Variants in TMPO observed in about 807,000 individuals in gnomAD.
TMPO encodes thymopoietin, also known as LEM domain containing 4.
A neutral mutation model predicts 45.4 loss-of-function variants in TMPO; 22 were observed. The observed-to-expected ratio is 0.48, with a 90% CI of 0.35 to 0.69. The LOEUF (loss-of-function observed/expected upper bound fraction) is 0.69. Among genes scored for constraint, TMPO ranks in the 30% least tolerant of loss-of-function variants. The pLI is 0.01. For missense variants in TMPO, 512 were observed against 548.8 expected (o/e 0.93, Z 0.67); for synonymous variants, 241 against 204.1 (o/e 1.18, Z -1.54).
At position 98,545,051 on chromosome 12, in the gene TMPO, C is replaced by G. The variant is rs372379540; in HGVS notation, c.980C>G (p.Thr327Arg). The change falls in exon 7 of 9, where the codon ACA becomes AGA. Residue 327 changes from threonine to arginine, a missense_variant. Thr to Arg is a moderately conservative substitution (Grantham distance 71). Coordinates refer to ENST00000556029, the MANE Select transcript of TMPO (RefSeq NM_001032283.3). ...AGAAGAGCACCAAAGAAACCATTGA[C>G]AAGAGCTGAAGTAAATGAATACAAT... Reference protein sequence around the residue: ...IPRRAPKKPLTRAEVGEKTEE... With the variant: ...IPRRAPKKPLRRAEVGEKTEE... 2 of 1,604,164 alleles carry G rather than the reference C, an allele frequency of 1.2e-6. No homozygotes were observed. Among genetic ancestry groups the G allele is most frequent in the Non-Finnish European group, 1.7e-6 (2 of 1,173,614 alleles).
At chr12:98,522,192 A>T (rs1436120657) in intron 1 of TMPO, among the ~76,000 whole-genome samples, 1 of 152,024 alleles carries the variant, frequency 6.6e-6, no homozygotes, top group Non-Finnish European at 1.5e-5. Context: ...GATTTTTAAA[A>T]TTTTTATAGA....
chr12:98,547,556 C>T lies in TMPO; in HGVS notation c.1080-17C>T. 1.2e-6 allele frequency: 2 copies of T among 1,613,968 alleles called. No homozygotes were observed. The highest frequency in any genetic ancestry group is 1.7e-6 in the Non-Finnish European group (2 of 1,179,900). On this transcript the variant is annotated splice_polypyrimidine_tract_variant and intron_variant, in intron 8 of 8. Coordinates refer to ENST00000556029, the MANE Select transcript of TMPO (RefSeq NM_001032283.3). ...TATCTAAAATTATTTTTCTTTTCCT[C>T]CTTTCACTCCCAACAGTGCTAGTTG... is the stretch of plus-strand genomic sequence containing the variant.
At chr12:98,518,053 G>A (rs1256961334) in intron 1 of TMPO, among the ~76,000 whole-genome samples, 3 of 151,564 alleles carry the variant, frequency 2.0e-5, no homozygotes, top group Non-Finnish European at 4.4e-5. Flanking sequence ...GCCGAGGCAG[G>A]AGAATCGCTT....
intron 1 of TMPO, among the ~76,000 whole-genome samples, chr12:98,519,696 A>G (rs565716694): frequency 1.3e-5 from 2 of 152,348 alleles, no homozygotes; most frequent in South Asian, 4.1e-4. Context: ...AACAACTTGA[A>G]GAAAAATATT....
intron 1 of TMPO, 151 bp from the exon 2 acceptor site, chr12:98,527,735 T>C: frequency 5.2e-6 from 4 of 772,098 alleles, no homozygotes; most frequent in Non-Finnish European, 6.4e-6. Context: ...TCTCCAATAA[T>C]GAGTTGCTCT....
At chr12:98,545,317 G>A (rs938211577) in intron 7 of TMPO, among the ~76,000 whole-genome samples, 1 of 151,954 alleles carries the variant, frequency 6.6e-6, no homozygotes, top group Non-Finnish European at 1.5e-5. Context: ...TCAAGGGAGT[G>A]GTCATTTCTG....
rs1187711703 is a variant in TMPO at position 98,548,641 on chromosome 12, T to TA, written c.*784dup. On this transcript the variant is annotated 3_prime_UTR_variant, in exon 9 of 9. Transcript: ENST00000556029. ...TATTTTTTATTTACAGCAAAACATT[T>TA]ATTCAGTCATCCAGTTTGCTACCAA... 8 of 152,244 alleles carry TA rather than the reference T, an allele frequency of 5.3e-5. No homozygotes were observed. Among genetic ancestry groups the TA allele is most frequent in the African/African-American group, 1.9e-4 (8 of 41,462 alleles). The allele number at this position is 152,244 out of a possible 1,614,324, so 9.4% of individuals were successfully genotyped here.
intron 6 of TMPO, 94 bp from the exon 7 acceptor site, chr12:98,544,857 C>A: frequency 1.9e-6 from 2 of 1,071,046 alleles, no homozygotes; most frequent in Non-Finnish European, 2.9e-6. Context: ...GGGAAAATTT[C>A]TAATATTACA....
intron 1 of TMPO, among the ~76,000 whole-genome samples, chr12:98,521,647 TTTTTG>T (rs1350207913): frequency 6.6e-6 from 1 of 152,224 alleles, no homozygotes; most frequent in South Asian, 2.1e-4. Flanking sequence ...GCAGTCTGCC[TTTTTG>T]TTTTAAGAGG....
intron 3 of TMPO, 24 bp from the exon 4 acceptor site, chr12:98,537,451 T>C (rs1877640082): frequency 6.5e-7 from 1 of 1,548,028 alleles, no homozygotes; most frequent in Non-Finnish European, 8.9e-7. Flanking sequence ...CAGAGAGTAA[T>C]GGTTTCTCCA....
At chr12:98,545,203 ATTATT>A (rs1439590052) in intron 7 of TMPO, 142 bp downstream of exon 7, 4 of 652,760 alleles carry the variant, frequency 6.1e-6, no homozygotes, top group Non-Finnish European at 1.1e-5. Flanking sequence ...ATATGCATAA[ATTATT>A]TTAAGGACAC....
chr12:98,523,065 G>T (rs561470790), intron 1 of TMPO, among the ~76,000 whole-genome samples: 10 of 152,286 alleles, frequency 6.6e-5, no homozygotes, highest in South Asian at 4.1e-4. Flanking sequence ...CTATTTTTGA[G>T]TGAAACTCTT....
chr12:98,516,224 C>CCCTCCCGGGCGCCCCCTCGGG, intron 1 of TMPO, 78 bp downstream of exon 1: 1 of 1,308,232 alleles, frequency 7.6e-7, no homozygotes. Context: ...TGCAGCCCCT[C>CCCTCCCGGGCGCCCCCTCGGG]CCTCCCGGGC....
At chr12:98,527,140 T>C (rs765363644) in intron 1 of TMPO, among the ~76,000 whole-genome samples, 5 of 152,036 alleles carry the variant, frequency 3.3e-5, no homozygotes, top group Non-Finnish European at 5.9e-5. Context: ...TTACTTTCCA[T>C]GGTTCATGCT....
chr12:98,516,324 G>A, intron 1 of TMPO, 178 bp downstream of exon 1: 2 of 1,226,526 alleles, frequency 1.6e-6, no homozygotes, highest in Non-Finnish European at 2.0e-6. Context: ...GAGCGGAGAG[G>A]CCAGAAGTTG....
At chr12:98,525,143 C>A (rs1876668972) in intron 1 of TMPO, among the ~76,000 whole-genome samples, 1 of 152,128 alleles carries the variant, frequency 6.6e-6, no homozygotes, top group Admixed American at 6.5e-5. Flanking sequence ...TTGATTAAAT[C>A]TTTTCTTGAA....
At position 98,517,049 on chromosome 12, in the gene TMPO, G is replaced by C. The variant is rs149952988; in HGVS notation, c.279+903G>C. On this transcript the variant is annotated intron_variant, in intron 1 of 8. Coordinates refer to ENST00000556029, the MANE Select transcript of TMPO (RefSeq NM_001032283.3). ...TGGTCTCGAACTCCTGACCTCAGGT[G>C]GTCCTCCCGCCTCGGCCTCACAAAG... 6.9e-4 allele frequency among the ~76,000 whole-genome samples: 105 copies of C among 152,308 alleles called. 1 individual carries two copies. In the East Asian group the frequency reaches 0.02, roughly 29 times the overall value.
intron 3 of TMPO, chr12:98,535,776 C>A: frequency 1.7e-6 from 1 of 592,238 alleles, no homozygotes; most frequent in Non-Finnish European, 2.1e-6. Context: ...TGAAAATATT[C>A]TGATTATGGT....
At chr12:98,520,309 C>CCTTCCTTCCTTCCTTCCTTCCT (rs1555202290) in intron 1 of TMPO, among the ~76,000 whole-genome samples, 5 of 145,016 alleles carry the variant, frequency 3.4e-5, no homozygotes, top group South Asian at 2.4e-4. Context: ...TTCCTTCCTT[C>CCTTCCTTCCTTCCTTCCTTCCT]TGTGTGTGTG....
Sources: allele counts gnomAD v4.1 joint callset (sites outside exome capture counted in the v4.1 genomes callset), GRCh38; gene constraint gnomAD v4.1.1; transcripts MANE v1.5; gene names NCBI Gene and HGNC (gene_info 2026-07-23, HGNC 2026-07-21).